The following AAMDC variants were observed in gnomAD, a reference collection of about 807,000 sequenced individuals.
AAMDC encodes mth938 domain-containing protein.
In AAMDC, 16 loss-of-function variants were observed where a neutral mutation model predicts 15.5. The observed-to-expected ratio is 1.03, with a 90% CI of 0.70 to 1.57. The LOEUF (loss-of-function observed/expected upper bound fraction) is 1.57, where lower values mean the gene tolerates loss of function less well. AAMDC is among the 40% of genes most tolerant of loss of function. The pLI is 0.00. For synonymous variants in AAMDC, 51 were observed against 51.6 expected (o/e 0.99, Z 0.05); for missense variants, 141 against 144.9 (o/e 0.97, Z 0.14).
At chr11:77,898,416 A>C (rs899032457) in intron 5 of AAMDC, among the ~76,000 whole-genome samples, 1 of 151,608 alleles carries the variant, frequency 6.6e-6, no homozygotes, top group Non-Finnish European at 1.5e-5. Flanking sequence ...CCTGTCTTGG[A>C]CTCCCAAAGT....
At chr11:77,842,162 T>C (rs1480813208) in intron 1 of AAMDC, among the ~76,000 whole-genome samples, 1 of 152,144 alleles carries the variant, frequency 6.6e-6, no homozygotes, top group Non-Finnish European at 1.5e-5. Flanking sequence ...TATAGTTTCT[T>C]CTTGGGGAGA....
chr11:77,888,182 G>A (rs1473553164), intron 5 of AAMDC, among the ~76,000 whole-genome samples: 1 of 152,204 alleles, frequency 6.6e-6, no homozygotes, highest in Non-Finnish European at 1.5e-5. Context: ...TATACTACAA[G>A]CCTACAGTAA....
At chr11:77,856,680 C>T (rs1001123984) in intron 2 of AAMDC, among the ~76,000 whole-genome samples, 3 of 152,052 alleles carry the variant, frequency 2.0e-5, no homozygotes, top group Non-Finnish European at 1.5e-5. Flanking sequence ...ATGGCTGGAG[C>T]AAGAGGAAGA....
At chr11:77,902,400 G>A (rs1001773445), downstream of AAMDC, among the ~76,000 whole-genome samples, 1 of 152,114 alleles carries the variant, frequency 6.6e-6, no homozygotes, top group African/African-American at 2.4e-5. Flanking sequence ...TCGGGTTCTA[G>A]TCATTAAATT....
chr11:77,869,502 ACGGT>A (rs35014650), intron 2 of AAMDC, among the ~76,000 whole-genome samples: 59,358 of 150,612 alleles, frequency 0.39, 12,163 homozygotes, highest in African/African-American at 0.5. Context: ...TTGTAGAGAC[ACGGT>A]CGGTCTCCCT....
chr11:77,824,223 C>T (rs1180066812), intron 1 of AAMDC, among the ~76,000 whole-genome samples: 7 of 152,112 alleles, frequency 4.6e-5, no homozygotes, highest in African/African-American at 7.2e-5. Flanking sequence ...CAGAGCTTAA[C>T]GACAATTTAT....
At chr11:77,822,247 C>G (rs1229401455) in intron 1 of AAMDC, among the ~76,000 whole-genome samples, 4 of 151,724 alleles carry the variant, frequency 2.6e-5, no homozygotes, top group Admixed American at 6.6e-5. Context: ...CCAGACCAGC[C>G]TGGGCAACAT....
At chr11:77,856,585 A>C (rs1950634256) in intron 2 of AAMDC, among the ~76,000 whole-genome samples, 1 of 152,182 alleles carries the variant, frequency 6.6e-6, no homozygotes, top group Non-Finnish European at 1.5e-5. Flanking sequence ...TCACGGTTCC[A>C]CAGGCTGTAC....
intron 2 of AAMDC, among the ~76,000 whole-genome samples, chr11:77,860,118 A>G (rs1266843826): frequency 1.3e-5 from 2 of 152,186 alleles, no homozygotes; most frequent in Non-Finnish European, 2.9e-5. Context: ...TCCTAGAGCT[A>G]TCCCTGTTTT....
At chr11:77,838,157 T>C (rs565773289) in intron 1 of AAMDC, among the ~76,000 whole-genome samples, 1 of 152,326 alleles carries the variant, frequency 6.6e-6, no homozygotes, top group African/African-American at 2.4e-5. Flanking sequence ...TAATCGTCTT[T>C]AGTTGGAGAT....
chr11:77,841,533 G>T (rs182026913), intron 1 of AAMDC, among the ~76,000 whole-genome samples: 41 of 152,250 alleles, frequency 2.7e-4, no homozygotes, highest in African/African-American at 9.9e-4. Context: ...AGGGGAGTGC[G>T]TTCAAAGTCC....
intron 2 of AAMDC, among the ~76,000 whole-genome samples, chr11:77,867,128 A>G (rs1213190627): frequency 2.0e-5 from 3 of 152,234 alleles, no homozygotes; most frequent in African/African-American, 7.2e-5. Context: ...GGCATGAGCC[A>G]CTGTGCCCGG....
intron 5 of AAMDC, chr11:77,879,197 A>C (rs1951696815): frequency 6.5e-7 from 1 of 1,542,586 alleles, no homozygotes; most frequent in Admixed American, 1.8e-5. Context: ...ATGTGAAGTT[A>C]AAGAAATATC....
intron 1 of AAMDC, among the ~76,000 whole-genome samples, chr11:77,827,842 T>C (rs952436431): frequency 1.3e-5 from 2 of 152,222 alleles, no homozygotes; most frequent in Non-Finnish European, 2.9e-5. Flanking sequence ...CTATCTTAAA[T>C]TACTGATCTT....
intron 2 of AAMDC, among the ~76,000 whole-genome samples, chr11:77,850,009 T>A (rs1239391252): frequency 6.6e-6 from 1 of 152,224 alleles, no homozygotes. Context: ...TCCCTAAGGT[T>A]AGCAAGAACT....
rs928318464 is a variant in AAMDC at position 77,881,542 on chromosome 11, C to T, written c.328+4493C>T. Among the ~76,000 whole-genome samples the T allele has an allele frequency of 2.0e-5, 3 of 152,224 alleles. No homozygotes were observed. In the East Asian group the frequency reaches 5.8e-4, roughly 29 times the overall value. ...ACTGTCACTGATCAGGTATGTGGGC[C>T]TCCATTTATGTATCTGTAAAATGAA... On this transcript the variant is annotated intron_variant, in intron 5 of 5. Transcript: ENST00000304716.
At chr11:77,869,306 C>CTTTTTTTTTTTTTTTTTTTTTTTTTTTTT (rs1358517135) in intron 2 of AAMDC, 1 of 120,372 alleles carries the variant, frequency 8.3e-6, no homozygotes, top group Admixed American at 9.1e-5. Context: ...TTATTTATCT[C>CTTTTTTTTTTTTTTTTTTTTTTTTTTTTT]TTTTTCTTTT....
intron 5 of AAMDC, among the ~76,000 whole-genome samples, chr11:77,879,390 G>A (rs1951705487): frequency 6.6e-6 from 1 of 152,222 alleles, no homozygotes; most frequent in African/African-American, 2.4e-5. Context: ...CTTCCAGGAA[G>A]ATAATTGCTT....
intron 2 of AAMDC, among the ~76,000 whole-genome samples, chr11:77,857,141 C>T (rs1255543322): frequency 6.6e-6 from 1 of 152,180 alleles, no homozygotes; most frequent in African/African-American, 2.4e-5. Context: ...TTTCTGCCTT[C>T]AAGAAGCTCT....
Sources: gnomAD v4.1 joint callset for allele counts (sites outside exome capture counted in the v4.1 genomes callset) on GRCh38, gnomAD v4.1.1 for gene constraint, MANE v1.5 for transcripts, NCBI Gene and HGNC (gene_info 2026-07-23, HGNC 2026-07-21) for gene names.